The following STXBP4 variants were observed in gnomAD, a reference collection of about 807,000 sequenced individuals.
STXBP4 encodes the protein syntaxin binding protein 4, also known as syntaxin-binding protein 4.
Under a neutral mutation model 76.1 loss-of-function variants are expected in STXBP4, and 55 were observed. The observed-to-expected ratio is 0.72, with a 90% CI of 0.58 to 0.91. The LOEUF is 0.91. Among genes scored for constraint, STXBP4 ranks in the 40% least tolerant of loss-of-function variants. The probability of loss-of-function intolerance (pLI) is 0.00; values close to 1 mark genes in which losing one functional copy is unlikely to be tolerated. For synonymous variants in STXBP4, 201 were observed against 220.2 expected, an observed-to-expected ratio of 0.91 and a Z score of 0.77; for missense variants, 618 against 636.9, an observed-to-expected ratio of 0.97 and a Z score of 0.32.
intron 8 of STXBP4, 98 bp downstream of exon 8, chr17:55,007,695 C>A: frequency 1.2e-6 from 1 of 835,684 alleles, no homozygotes; most frequent in Non-Finnish European, 1.9e-6. Flanking sequence ...TCATTAGTTT[C>A]TTGAAGTTAC....
intron 4 of STXBP4, among the ~76,000 whole-genome samples, chr17:54,997,053 G>C (rs1020526309): frequency 2.0e-5 from 3 of 152,204 alleles, no homozygotes; most frequent in Non-Finnish European, 4.4e-5. Flanking sequence ...TGTAACTGCT[G>C]AATTGGAATC....
At chr17:55,024,450 T>C (rs544977823) in intron 8 of STXBP4, among the ~76,000 whole-genome samples, 1 of 152,342 alleles carries the variant, frequency 6.6e-6, no homozygotes, top group African/African-American at 2.4e-5. Flanking sequence ...TCCTCTCTGC[T>C]ATAGCAGGCA....
chr17:55,203,315 G>A, the STXBP4 span, among the ~76,000 whole-genome samples: 17 of 152,070 alleles, frequency 1.1e-4, no homozygotes, highest in Non-Finnish European at 1.8e-4. Context: ...TTATCACAGC[G>A]CATTGCAATA....
intron 16 of STXBP4, among the ~76,000 whole-genome samples, chr17:55,098,719 C>A (rs916430393): frequency 2.0e-5 from 3 of 152,174 alleles, no homozygotes; most frequent in African/African-American, 7.2e-5. Flanking sequence ...AAAGGCCTTA[C>A]CTAATCACCT....
chr17:55,020,553 C>T (rs2144622842), intron 8 of STXBP4, among the ~76,000 whole-genome samples: 1 of 152,260 alleles, frequency 6.6e-6, no homozygotes, highest in East Asian at 1.9e-4. Flanking sequence ...CGTGATGGCT[C>T]ACACCTGTAA....
chr17:55,185,263 C>T, the STXBP4 span, among the ~76,000 whole-genome samples: 2,688 of 50,426 alleles, frequency 0.053, 131 homozygotes, highest in African/African-American at 0.16. Flanking sequence ...TTCTCCTTCT[C>T]CTTCTCCTTC....
intron 9 of STXBP4, among the ~76,000 whole-genome samples, chr17:55,032,247 A>G (rs1049853170): frequency 4.2e-5 from 6 of 144,434 alleles, no homozygotes; most frequent in African/African-American, 1.5e-4. Flanking sequence ...TGTATTGCTG[A>G]AAAAAAATTG....
At chr17:54,994,124 G>C (rs1352108417) in intron 4 of STXBP4, among the ~76,000 whole-genome samples, 1 of 152,188 alleles carries the variant, frequency 6.6e-6, no homozygotes, top group Non-Finnish European at 1.5e-5. Context: ...CTAAGAGCTA[G>C]AGGCACCCTA....
At chr17:54,995,433 T>C (rs1286167524) in intron 4 of STXBP4, among the ~76,000 whole-genome samples, 3 of 152,228 alleles carry the variant, frequency 2.0e-5, no homozygotes, top group African/African-American at 4.8e-5. Flanking sequence ...TTTTCTTCAG[T>C]TGGTTCTAAG....
chr17:55,092,358 TTC>T (rs1158018710), intron 16 of STXBP4, among the ~76,000 whole-genome samples: 1 of 136,096 alleles, frequency 7.3e-6, no homozygotes, highest in African/African-American at 2.5e-5. Flanking sequence ...TTGAAAATAT[TTC>T]TATTAACAGT....
chr17:55,204,825 C>CAT, the STXBP4 span, among the ~76,000 whole-genome samples: 1 of 61,190 alleles, frequency 1.6e-5, no homozygotes, highest in Non-Finnish European at 3.4e-5. Context: ...CACACACACA[C>CAT]ACACACACAC....
chr17:55,034,787 A>C (rs2078569763), intron 10 of STXBP4, among the ~76,000 whole-genome samples: 1 of 151,838 alleles, frequency 6.6e-6, no homozygotes. Context: ...TTGGGTAACT[A>C]CTCTTTCACC....
At chr17:55,134,918 C>G (rs1210647349) in intron 16 of STXBP4, among the ~76,000 whole-genome samples, 1 of 146,006 alleles carries the variant, frequency 6.8e-6, no homozygotes, top group African/African-American at 2.6e-5. Flanking sequence ...CATCTTCAGT[C>G]TAGGTCATGG....
At chr17:55,053,710 C>T (rs1246166803) in intron 12 of STXBP4, among the ~76,000 whole-genome samples, 1 of 151,966 alleles carries the variant, frequency 6.6e-6, no homozygotes, top group African/African-American at 2.4e-5. Context: ...ATTGATATGA[C>T]TTTTTAGTGC....
At chr17:55,176,490 C>G (rs1444823141), downstream of STXBP4, among the ~76,000 whole-genome samples, 1 of 152,088 alleles carries the variant, frequency 6.6e-6, no homozygotes, top group East Asian at 1.9e-4. Flanking sequence ...TAGGAATAAC[C>G]TGAAATAACT....
At chr17:54,992,381 C>T (rs1487110167) in intron 4 of STXBP4, among the ~76,000 whole-genome samples, 1 of 148,702 alleles carries the variant, frequency 6.7e-6, no homozygotes, top group African/African-American at 2.5e-5. Flanking sequence ...TGCCACTGCA[C>T]TCCAGCCTGG....
At chr17:54,987,258 C>A (rs1018407234) in intron 3 of STXBP4, among the ~76,000 whole-genome samples, 1 of 152,134 alleles carries the variant, frequency 6.6e-6, no homozygotes, top group African/African-American at 2.4e-5. Flanking sequence ...ACTGTGTGCC[C>A]TCATTCCCTC....
At chr17:55,074,857 T>C (rs2079161012) in intron 13 of STXBP4, among the ~76,000 whole-genome samples, 1 of 152,010 alleles carries the variant, frequency 6.6e-6, no homozygotes, top group Non-Finnish European at 1.5e-5. Context: ...ACATTCAACA[T>C]TTTCTAAACC....
At chr17:55,189,078 A>C in the STXBP4 span, among the ~76,000 whole-genome samples, 1 of 152,052 alleles carries the variant, frequency 6.6e-6, no homozygotes, top group African/African-American at 2.4e-5. Flanking sequence ...AATGAATTAT[A>C]CTTGAGGCTA....
Sources: gnomAD v4.1 joint callset for allele counts (sites outside exome capture counted in the v4.1 genomes callset) on GRCh38, gnomAD v4.1.1 for gene constraint, MANE v1.5 for transcripts, NCBI Gene and HGNC (gene_info 2026-07-23, HGNC 2026-07-21) for gene names.